The following MIER1 variants were observed in gnomAD, a reference collection of about 807,000 sequenced individuals.
MIER1 encodes mesoderm induction early response protein 1.
MIER1 carries 40 observed loss-of-function variants against 75.7 expected under a neutral mutation model. The ratio of observed to expected loss-of-function variants is 0.53; its 90% confidence interval spans 0.41 to 0.69. The LOEUF is 0.69. Ranked by LOEUF, MIER1 falls within the 30% of genes least tolerant of loss-of-function variation. MIER1 has a pLI of 0.00. For missense variants in MIER1, 574 were observed against 680.2 expected (o/e 0.84, Z 1.74); for synonymous variants, 213 against 223.4 (o/e 0.95, Z 0.42).
At chr1:66,946,568 A>G (rs763569932) in intron 4 of MIER1, 3 of 1,097,364 alleles carry the variant, frequency 2.7e-6, no homozygotes, top group Non-Finnish European at 3.3e-6. Flanking sequence ...TCAAAAATGG[A>G]CTATAAAAGG....
chr1:66,978,382 C>T (rs570985185), intron 12 of MIER1, among the ~76,000 whole-genome samples: 40 of 152,092 alleles, frequency 2.6e-4, no homozygotes, highest in Non-Finnish European at 5.3e-4. Context: ...GTATGATTCA[C>T]CCTTGGAAAT....
chr1:66,962,477 A>G (rs1661448054), intron 7 of MIER1, among the ~76,000 whole-genome samples: 1 of 152,122 alleles, frequency 6.6e-6, no homozygotes, highest in African/African-American at 2.4e-5. Context: ...TCCTGTCCCC[A>G]GAGTTTCAGT....
intron 4 of MIER1, among the ~76,000 whole-genome samples, chr1:66,953,939 AT>A (rs1206267553): frequency 2.0e-5 from 3 of 151,754 alleles, no homozygotes; most frequent in Admixed American, 6.6e-5. Context: ...AAGTAAGGGT[AT>A]TTTTTTTCCA....
intron 13 of MIER1, among the ~76,000 whole-genome samples, chr1:66,983,850 T>C (rs867911182): frequency 1.8e-4 from 27 of 152,132 alleles, no homozygotes; most frequent in Non-Finnish European, 2.6e-4. Flanking sequence ...GCCTCAGCCT[T>C]CCGAGTAGCT....
intron 7 of MIER1, among the ~76,000 whole-genome samples, chr1:66,961,071 C>T (rs1661161699): frequency 6.6e-6 from 1 of 151,980 alleles, no homozygotes; most frequent in Non-Finnish European, 1.5e-5. Flanking sequence ...TAATTACCCA[C>T]ACCTTACTCA....
intron 3 of MIER1, among the ~76,000 whole-genome samples, chr1:66,945,287 AT>A (rs1657276767): frequency 2.8e-3 from 17 of 6,118 alleles, no homozygotes; most frequent in African/African-American, 0.025. Context: ...ATATATATAT[AT>A]ATATATATAT....
intron 2 of MIER1, among the ~76,000 whole-genome samples, chr1:66,934,124 AT>A (rs987923524): frequency 1.3e-5 from 2 of 152,158 alleles, no homozygotes; most frequent in African/African-American, 2.4e-5. Context: ...GCAAATTGAG[AT>A]TTTTTTAACA....
At chr1:66,925,255 G>C in intron 1 of MIER1, 160 bp downstream of exon 1, 1 of 983,568 alleles carries the variant, frequency 1.0e-6, no homozygotes, top group African/African-American at 1.7e-5. Flanking sequence ...CGCAGAACGC[G>C]CCTGGCTTGC....
rs1451662733 is a variant in MIER1 at position 66,972,883 on chromosome 1, T to A, written c.1007-14T>A. On this transcript the variant is annotated splice_polypyrimidine_tract_variant and intron_variant, in intron 10 of 13. Coordinates refer to ENST00000401041, the MANE Select transcript of MIER1 (RefSeq NM_001077700.3). Reference sequence around the variant, plus strand: ...GGAATATTGCTTAACAGTTTGTTCCTCCCATCTTGTCAGAGGAATTATCTG... The same window carrying A: ...GGAATATTGCTTAACAGTTTGTTCCACCCATCTTGTCAGAGGAATTATCTG... 7.1e-7 allele frequency: 1 copy of A among 1,412,668 alleles called. No individual in the cohort carries two copies. Among genetic ancestry groups the A allele is most frequent in the Non-Finnish European group, 1.0e-6 (1 of 1,003,630 alleles). 87.5% of individuals were successfully genotyped at this position (1,412,668 alleles called of 1,614,324 possible).
chr1:66,925,265 C>T (rs557461143), intron 1 of MIER1, 170 bp downstream of exon 1: 41 of 983,732 alleles, frequency 4.2e-5, no homozygotes, highest in Non-Finnish European at 4.6e-5. Context: ...GCCTGGCTTG[C>T]TCTCCGCCGG....
chr1:66,936,277 C>T (rs1214241817), intron 2 of MIER1, among the ~76,000 whole-genome samples: 19 of 151,888 alleles, frequency 1.3e-4, no homozygotes, highest in Admixed American at 8.5e-4. Context: ...GGCTGGAGTG[C>T]GGTGGCGCTT....
chr1:66,939,069 CTT>C (rs1421857287), intron 2 of MIER1, among the ~76,000 whole-genome samples: 1 of 152,152 alleles, frequency 6.6e-6, no homozygotes, highest in Non-Finnish European at 1.5e-5. Context: ...AGATCCCTAT[CTT>C]TCCTTTGCTA....
intron 2 of MIER1, chr1:66,928,947 T>C: frequency 6.2e-7 from 1 of 1,605,326 alleles, no homozygotes; most frequent in South Asian, 1.1e-5. Context: ...TGGACTCTTT[T>C]CCTGTCAAAT....
chr1:66,963,632 A>C (rs1435171112), intron 8 of MIER1, among the ~76,000 whole-genome samples: 1 of 152,202 alleles, frequency 6.6e-6, no homozygotes, highest in Admixed American at 6.5e-5. Context: ...ACTTTGGACC[A>C]GGTGCCGTGG....
intron 13 of MIER1, among the ~76,000 whole-genome samples, chr1:66,982,220 C>G (rs1229990984): frequency 2.0e-5 from 3 of 152,124 alleles, no homozygotes; most frequent in African/African-American, 7.2e-5. Flanking sequence ...TGCCTAGATA[C>G]AAGTATTTAT....
chr1:66,932,071 A>G (rs1653548401), intron 2 of MIER1, among the ~76,000 whole-genome samples: 1 of 152,168 alleles, frequency 6.6e-6, no homozygotes, highest in African/African-American at 2.4e-5. Context: ...TAAAAAATAA[A>G]TTTTATTGCC....
intron 4 of MIER1, among the ~76,000 whole-genome samples, chr1:66,954,928 C>T (rs924812541): frequency 1.3e-4 from 20 of 152,014 alleles, no homozygotes; most frequent in African/African-American, 4.4e-4. Flanking sequence ...AGGCTGGTCT[C>T]GAACTCCTGA....
intron 7 of MIER1, among the ~76,000 whole-genome samples, chr1:66,960,351 T>C (rs1406351889): frequency 6.6e-6 from 1 of 152,208 alleles, no homozygotes; most frequent in Non-Finnish European, 1.5e-5. Flanking sequence ...AGATTTGGCT[T>C]CTTCGTAACT....
chr1:66,931,176 TC>T (rs1177883916), intron 2 of MIER1, among the ~76,000 whole-genome samples: 3 of 152,200 alleles, frequency 2.0e-5, no homozygotes, highest in Non-Finnish European at 4.4e-5. Flanking sequence ...GTAAACAAGT[TC>T]CTAAAGCCCC....
Sources: gnomAD v4.1 joint callset for allele counts (sites outside exome capture counted in the v4.1 genomes callset) on GRCh38, gnomAD v4.1.1 for gene constraint, MANE v1.5 for transcripts, NCBI Gene and HGNC (gene_info 2026-07-23, HGNC 2026-07-21) for gene names.